The following PLCG2 variants were observed in gnomAD, a reference collection of about 807,000 sequenced individuals.
The protein encoded by PLCG2 is phospholipase C gamma 2, also known as 1-phosphatidylinositol 4,5-bisphosphate phosphodiesterase gamma-2.
In PLCG2, 69 loss-of-function variants were observed where a neutral mutation model predicts 175.6. That is an observed-to-expected ratio of 0.39 (90% CI 0.32 to 0.48). The LOEUF (loss-of-function observed/expected upper bound fraction) is 0.48. PLCG2 is among the 20% of genes least tolerant of loss of function. The probability of loss-of-function intolerance (pLI) is 0.91; values close to 1 mark genes in which losing one functional copy is unlikely to be tolerated. For synonymous variants in PLCG2, 827 were observed against 624.0 expected (o/e 1.33, Z -4.85); for missense variants, 1,798 against 1,650.9 (o/e 1.09, Z -1.54).
At chr16:81,797,942 T>C (rs1194391788) in intron 2 of PLCG2, among the ~76,000 whole-genome samples, 1 of 152,084 alleles carries the variant, frequency 6.6e-6, no homozygotes, top group African/African-American at 2.4e-5. Flanking sequence ...GCAATTATTC[T>C]GCCTCAGCCT....
chr16:81,952,351 G>A (rs1911400497), intron 31 of PLCG2, among the ~76,000 whole-genome samples: 1 of 152,118 alleles, frequency 6.6e-6, no homozygotes, highest in Admixed American at 6.6e-5. Flanking sequence ...ACTCTGCTGA[G>A]TGCCTAGAAC....
intron 2 of PLCG2, among the ~76,000 whole-genome samples, chr16:81,773,689 C>T (rs932154249): frequency 5.9e-5 from 9 of 152,164 alleles, no homozygotes; most frequent in Admixed American, 2.6e-4. Flanking sequence ...GAGTCAGCTC[C>T]AGGGGTCCCA....
chr16:81,778,027 A>AACAAATAC (rs760893824), upstream of PLCG2, among the ~76,000 whole-genome samples: 1 of 83,322 alleles, frequency 1.2e-5, no homozygotes, highest in Non-Finnish European at 2.5e-5. Flanking sequence ...AAAAAAAAAA[A>AACAAATAC]AAAACAAAAA....
intron 18 of PLCG2, among the ~76,000 whole-genome samples, chr16:81,911,032 G>T (rs1909599195): frequency 6.6e-6 from 1 of 151,992 alleles, no homozygotes; most frequent in Non-Finnish European, 1.5e-5. Flanking sequence ...ACCTTTCAGA[G>T]CTCCTTCCTG....
At chr16:81,823,073 C>G (rs1463201700) in intron 2 of PLCG2, among the ~76,000 whole-genome samples, 3 of 152,324 alleles carry the variant, frequency 2.0e-5, no homozygotes, top group African/African-American at 7.2e-5. Context: ...GTGCAGCAGC[C>G]GTAGGGCACT....
In PLCG2 at chr16:81,930,989, C is replaced by G. The variant is rs148491296; in HGVS notation, c.2582-508C>G. Among the ~76,000 whole-genome samples, 348 of 152,184 alleles carry G rather than the reference C, an allele frequency of 2.3e-3. 2 individuals carry two copies. The highest frequency in any genetic ancestry group is 7.9e-3 in the African/African-American group (326 of 41,524). Reference sequence around the variant, plus strand: ...TTATGATGAGTGTAAAAAGCATTTTCTAATTGGTCAACCAAAAAGATATTC... The same window carrying G: ...TTATGATGAGTGTAAAAAGCATTTTGTAATTGGTCAACCAAAAAGATATTC... On this transcript the variant is annotated intron_variant, in intron 24 of 32. Coordinates refer to ENST00000564138, the MANE Select transcript of PLCG2 (RefSeq NM_002661.5).
chr16:81,876,737 G>A (rs887091782), intron 7 of PLCG2, among the ~76,000 whole-genome samples: 8 of 152,234 alleles, frequency 5.3e-5, no homozygotes, highest in African/African-American at 1.9e-4. Context: ...GTCCTGGGAT[G>A]TTGCCCAGAG....
chr16:81,749,224 C>T (rs1002061921), intron 1 of PLCG2, among the ~76,000 whole-genome samples: 3 of 152,028 alleles, frequency 2.0e-5, no homozygotes, highest in South Asian at 2.1e-4. Context: ...TCTCTGAACC[C>T]ATCTGGGTTG....
At chr16:81,823,910 T>C (rs1428177295) in intron 2 of PLCG2, among the ~76,000 whole-genome samples, 2 of 151,280 alleles carry the variant, frequency 1.3e-5, no homozygotes, top group East Asian at 3.9e-4. Flanking sequence ...TTCCTTCCTT[T>C]CCTTCCATCC....
intron 19 of PLCG2, among the ~76,000 whole-genome samples, chr16:81,918,287 G>A (rs1052144481): frequency 4.6e-5 from 7 of 152,080 alleles, no homozygotes; most frequent in Admixed American, 1.3e-4. Context: ...CCAATGCTAC[G>A]GAGGTTTTCC....
intron 2 of PLCG2, among the ~76,000 whole-genome samples, chr16:81,765,803 C>G (rs1910137389): frequency 6.6e-6 from 1 of 152,158 alleles, no homozygotes; most frequent in African/African-American, 2.4e-5. Flanking sequence ...TGGTTGACAG[C>G]TAAGTTCAGA....
intron 2 of PLCG2, among the ~76,000 whole-genome samples, chr16:81,788,430 G>C (rs1371909599): frequency 6.6e-6 from 1 of 152,082 alleles, no homozygotes; most frequent in Non-Finnish European, 1.5e-5. Flanking sequence ...ACAGGCGCCC[G>C]CCACCACGCC....
chr16:81,892,289 C>T (rs1401745438), intron 11 of PLCG2, among the ~76,000 whole-genome samples: 1 of 152,146 alleles, frequency 6.6e-6, no homozygotes, highest in Non-Finnish European at 1.5e-5. Flanking sequence ...CGACTTTTAA[C>T]CAGAAGATGA....
At chr16:81,886,472 A>G (rs1255567850) in intron 9 of PLCG2, among the ~76,000 whole-genome samples, 1 of 152,232 alleles carries the variant, frequency 6.6e-6, no homozygotes, top group Non-Finnish European at 1.5e-5. Flanking sequence ...ACTCGATTCT[A>G]TATCTGGAGT....
At chr16:81,795,491 A>C (rs961608665) in intron 2 of PLCG2, among the ~76,000 whole-genome samples, 7 of 152,178 alleles carry the variant, frequency 4.6e-5, no homozygotes, top group African/African-American at 1.7e-4. Context: ...CACTCACTCA[A>C]ATCATGATCC....
At chr16:81,869,330 T>A (rs1452123597) in intron 6 of PLCG2, 32 bp downstream of exon 6, 2 of 1,477,546 alleles carry the variant, frequency 1.4e-6, no homozygotes, top group Non-Finnish European at 1.9e-6. Context: ...GGGAATTTTA[T>A]GAATGCGGAG....
At chr16:81,741,787 G>C (rs1279369314) in intron 1 of PLCG2, among the ~76,000 whole-genome samples, 1 of 152,080 alleles carries the variant, frequency 6.6e-6, no homozygotes, top group Non-Finnish European at 1.5e-5. Context: ...CTCTAGCCTG[G>C]GCGAAGAGAG....
At chr16:81,785,839 C>T (rs1485625768) in intron 1 of PLCG2, 104 bp from the exon 2 acceptor site, 1 of 691,018 alleles carries the variant, frequency 1.4e-6, no homozygotes, top group Non-Finnish European at 2.5e-6. Context: ...TAAAACTCAT[C>T]CTGATTGACA....
chr16:81,938,679 CT>C, intron 28 of PLCG2, 121 bp from the exon 29 acceptor site: 4 of 620,910 alleles, frequency 6.4e-6, no homozygotes, highest in Non-Finnish European at 1.1e-5. Flanking sequence ...TCCAGTGAAT[CT>C]AGGAAAATTA....
Sources: gnomAD v4.1 joint callset for allele counts (sites outside exome capture counted in the v4.1 genomes callset) on GRCh38, gnomAD v4.1.1 for gene constraint, MANE v1.5 for transcripts, NCBI Gene and HGNC (gene_info 2026-07-23, HGNC 2026-07-21) for gene names.